DENND2B: variants seen among roughly 807,000 people sequenced by gnomAD.
DENND2B encodes DENN domain containing 2B, also known as DENN domain-containing protein 2B.
Under a neutral mutation model 116.0 loss-of-function variants are expected in DENND2B, and 32 were observed. The observed-to-expected ratio is 0.28, with a 90% CI of 0.21 to 0.37. DENND2B has a LOEUF of 0.37. DENND2B is among the 10% of genes least tolerant of loss of function. The pLI is 1.00. For synonymous variants in DENND2B, 588 were observed against 583.9 expected (o/e 1.01, Z -0.10); for missense variants, 1,276 against 1,477.7 (o/e 0.86, Z 2.24).
chr11:8,846,522 G>A (rs1285137446), intron 3 of DENND2B, among the ~76,000 whole-genome samples: 1 of 152,196 alleles, frequency 6.6e-6, no homozygotes, highest in African/African-American at 2.4e-5. Flanking sequence ...AGTGAGCCAA[G>A]ACGCGGCTGC....
At chr11:8,717,620 C>T (rs1388800704) in intron 5 of DENND2B, 121 bp downstream of exon 5, 2 of 1,264,814 alleles carry the variant, frequency 1.6e-6, no homozygotes, top group Middle Eastern at 2.9e-4. Context: ...GGCCGTAGAC[C>T]CTTTATCAAG....
intron 1 of DENND2B, chr11:8,776,156 GCGCGCACACA>G (rs2057660374): frequency 2.4e-4 from 76 of 318,338 alleles, no homozygotes; most frequent in Admixed American, 1.4e-3. Flanking sequence ...GCACGCGCGC[GCGCGCACACA>G]CACACACACA....
intron 1 of DENND2B, among the ~76,000 whole-genome samples, chr11:8,782,375 G>C (rs991045555): frequency 2.0e-5 from 3 of 152,134 alleles, no homozygotes; most frequent in African/African-American, 7.2e-5. Context: ...TCAGTATCAG[G>C]AGGAGGAAAG....
At chr11:8,852,608 G>C (rs1385458255) in intron 3 of DENND2B, among the ~76,000 whole-genome samples, 1 of 152,238 alleles carries the variant, frequency 6.6e-6, no homozygotes, top group Non-Finnish European at 1.5e-5. Flanking sequence ...TCCACATCTT[G>C]ATCGGAGTGG....
At chr11:8,888,686 A>AAC (rs1310080705) in intron 1 of DENND2B, among the ~76,000 whole-genome samples, 3 of 152,244 alleles carry the variant, frequency 2.0e-5, no homozygotes, top group African/African-American at 7.2e-5. Context: ...ATAAGGGATT[A>AAC]ACATCCAGAA....
intron 1 of DENND2B, among the ~76,000 whole-genome samples, chr11:8,908,350 G>T (rs2064265660): frequency 6.6e-6 from 1 of 152,216 alleles, no homozygotes; most frequent in Admixed American, 6.5e-5. Context: ...AGAGACAAAT[G>T]AGATGAGGTG....
intron 2 of DENND2B, chr11:8,870,709 C>T (rs1339704713): frequency 5.9e-5 from 9 of 152,290 alleles, no homozygotes; most frequent in Non-Finnish European, 7.3e-5. Context: ...GCGAGGTTCC[C>T]CACCCCCAAC....
intron 1 of DENND2B, chr11:8,774,424 T>A: frequency 2.8e-6 from 2 of 712,362 alleles, no homozygotes; most frequent in Non-Finnish European, 3.4e-6. Context: ...TCACTGCCAT[T>A]AGCTGAATGA....
intron 2 of DENND2B, among the ~76,000 whole-genome samples, chr11:8,743,529 G>A (rs1285318774): frequency 6.6e-6 from 1 of 152,002 alleles, no homozygotes; most frequent in Non-Finnish European, 1.5e-5. Flanking sequence ...CAGCCTGGGT[G>A]ACAGAGTGAG....
At chr11:8,822,011 C>G (rs1320612454) in intron 4 of DENND2B, among the ~76,000 whole-genome samples, 3 of 152,144 alleles carry the variant, frequency 2.0e-5, no homozygotes, top group Non-Finnish European at 4.4e-5. Flanking sequence ...AGGCTGGTCT[C>G]AAACTTGTGA....
intron 14 of DENND2B, 110 bp from the exon 15 acceptor site, chr11:8,699,500 G>T (rs1414860387): frequency 2.4e-5 from 27 of 1,126,084 alleles, no homozygotes; most frequent in African/African-American, 4.8e-5. Flanking sequence ...CAACAAAAAT[G>T]CTAATGGGGT....
chr11:8,840,731 A>G (rs1302089703), intron 3 of DENND2B, among the ~76,000 whole-genome samples: 2 of 151,938 alleles, frequency 1.3e-5, no homozygotes, highest in African/African-American at 4.8e-5. Context: ...ATCCAGCCCC[A>G]CCCCACATAG....
rs556898723 is a variant in DENND2B at position 8,774,876 on chromosome 11, A to T, written c.-25-24151T>A. The stretch of plus-strand genomic sequence containing the variant: ...CTTATTTTTTTCGTTTTTTTTTTTT[A>T]ATTATTATTTTCACTTTTTTTTGAG... On this transcript the variant is annotated intron_variant, in intron 1 of 19. Transcript: ENST00000313726. Among the ~76,000 whole-genome samples, 797 of 129,326 alleles carry T rather than the reference A, an allele frequency of 6.2e-3. 12 individuals are homozygous for T. The highest frequency in any genetic ancestry group is 0.026 in the African/African-American group (752 of 28,534). 84.8% of individuals were successfully genotyped at this position (129,326 alleles called of 152,430 possible).
intron 4 of DENND2B, among the ~76,000 whole-genome samples, chr11:8,723,374 C>T (rs1223832742): frequency 6.6e-6 from 1 of 152,178 alleles, no homozygotes; most frequent in East Asian, 1.9e-4. Context: ...GTTCCACCAT[C>T]CAGGGCTCTG....
chr11:8,802,871 A>G (rs4929915), intron 1 of DENND2B, among the ~76,000 whole-genome samples: 1 of 152,094 alleles, frequency 6.6e-6, no homozygotes, highest in Non-Finnish European at 1.5e-5. Context: ...GTACTGCCCT[A>G]CGCATTGGAG....
chr11:8,835,515 G>T (rs2062385870), intron 4 of DENND2B: 4 of 152,110 alleles, frequency 2.6e-5, no homozygotes, highest in Admixed American at 6.5e-5. Context: ...AGGGTTTTTT[G>T]GGAGGCAATT....
At chr11:8,830,658 G>A (rs951447258) in intron 4 of DENND2B, 6 of 152,132 alleles carry the variant, frequency 3.9e-5, no homozygotes, top group African/African-American at 1.2e-4. Context: ...GAGAAGAGGT[G>A]GAATTAATAC....
chr11:8,863,346 T>TCCCAGGTTCTCACCATTCTCCTGC (rs543669262), intron 2 of DENND2B, among the ~76,000 whole-genome samples: 1 of 81,268 alleles, frequency 1.2e-5, no homozygotes, highest in Admixed American at 1.4e-4. Context: ...AAGCTCCACC[T>TCCCAGGTTCTCACCATTCTCCTGC]CTCAGCCTCC....
At chr11:8,698,009 T>C in intron 16 of DENND2B, 2 of 413,406 alleles carry the variant, frequency 4.8e-6, no homozygotes, top group Non-Finnish European at 9.5e-6. Context: ...TATGGTGGCA[T>C]GCACCTGTAC....
Sources: allele counts gnomAD v4.1 joint callset (sites outside exome capture counted in the v4.1 genomes callset), GRCh38; gene constraint gnomAD v4.1.1; transcripts MANE v1.5; gene names NCBI Gene and HGNC (gene_info 2026-07-23, HGNC 2026-07-21).